Variants in FRMD4B observed in about 807,000 individuals in gnomAD.
FRMD4B encodes the protein FERM domain containing 4B.
In FRMD4B, 74 loss-of-function variants were observed where a neutral mutation model predicts 141.5. The observed-to-expected ratio is 0.52, with a 90% CI of 0.43 to 0.63. FRMD4B has a LOEUF of 0.63. FRMD4B is among the 30% of genes least tolerant of loss of function. The pLI is 0.00. For missense variants in FRMD4B, 1,366 were observed against 1,253.4 expected (o/e 1.09, Z -1.36); for synonymous variants, 506 against 467.9 (o/e 1.08, Z -1.05).
chr3:69,292,815 C>CTTTTTTT (rs35818040), intron 4 of FRMD4B, among the ~76,000 whole-genome samples: 2 of 120,934 alleles, frequency 1.7e-5, no homozygotes, highest in African/African-American at 3.1e-5. Flanking sequence ...TTTTTTCAGC[C>CTTTTTTT]TTTTTTTTTT....
At chr3:69,295,689 C>T (rs1701013418) in intron 4 of FRMD4B, among the ~76,000 whole-genome samples, 1 of 152,138 alleles carries the variant, frequency 6.6e-6, no homozygotes, top group South Asian at 2.1e-4. Context: ...CAGCTTAGCT[C>T]CCTACTACAA....
chr3:69,526,872 T>G (rs567801886), intron 1 of FRMD4B, among the ~76,000 whole-genome samples: 107 of 152,262 alleles, frequency 7.0e-4, no homozygotes, highest in African/African-American at 2.5e-3. Context: ...AACACAAATA[T>G]CTTCCTGGTT....
intron 16 of FRMD4B, among the ~76,000 whole-genome samples, chr3:69,194,229 T>C (rs1280950408): frequency 6.6e-6 from 1 of 152,250 alleles, no homozygotes; most frequent in East Asian, 1.9e-4. Flanking sequence ...TTGGGTTTGA[T>C]CTTCTTCCTG....
At chr3:69,258,704 ACTCT>A (rs2093507766) in intron 5 of FRMD4B, among the ~76,000 whole-genome samples, 1 of 152,022 alleles carries the variant, frequency 6.6e-6, no homozygotes, top group Admixed American at 6.6e-5. Context: ...AATATTATTA[ACTCT>A]CTGTCTTATC....
chr3:69,420,863 G>C (rs1704963353), intron 2 of FRMD4B, among the ~76,000 whole-genome samples: 2 of 152,234 alleles, frequency 1.3e-5, no homozygotes. Context: ...ATGAAGCAAA[G>C]ATGCCAGGGA....
intron 2 of FRMD4B, among the ~76,000 whole-genome samples, chr3:69,426,442 G>A (rs1009837575): frequency 6.6e-6 from 1 of 152,142 alleles, no homozygotes; most frequent in African/African-American, 2.4e-5. Context: ...CTTAGCCTTA[G>A]AGTTTTCTCA....
intron 1 of FRMD4B, among the ~76,000 whole-genome samples, chr3:69,338,928 G>A (rs1308336642): frequency 6.6e-6 from 1 of 152,132 alleles, no homozygotes; most frequent in African/African-American, 2.4e-5. Flanking sequence ...CACATAGTAA[G>A]CACCCAATAC....
At chr3:69,521,405 T>C (rs1182767953) in intron 1 of FRMD4B, among the ~76,000 whole-genome samples, 5 of 152,174 alleles carry the variant, frequency 3.3e-5, no homozygotes, top group Non-Finnish European at 7.4e-5. Context: ...CCCAAGCATG[T>C]TTTTCCTAGA....
chr3:69,427,643 G>GTTTTTTTGTTTT (rs1705106086), intron 2 of FRMD4B, among the ~76,000 whole-genome samples: 7 of 36,240 alleles, frequency 1.9e-4, no homozygotes, highest in African/African-American at 7.5e-4. Context: ...CTAGGTAAAT[G>GTTTTTTTGTTTT]TTTTTTTTTT....
At chr3:69,323,080 T>C in intron 1 of FRMD4B, 1 of 715,908 alleles carries the variant, frequency 1.4e-6, no homozygotes, top group South Asian at 6.3e-5. Context: ...AAGCAGGCAG[T>C]GTAAAAGAAG....
chr3:69,194,394 A>G (rs1240663391), intron 16 of FRMD4B, among the ~76,000 whole-genome samples: 1 of 152,232 alleles, frequency 6.6e-6, no homozygotes, highest in Non-Finnish European at 1.5e-5. Context: ...AGATGGGTAC[A>G]CAGTGAGCAC....
At chr3:69,419,412 G>A (rs1704930714) in intron 2 of FRMD4B, among the ~76,000 whole-genome samples, 1 of 152,130 alleles carries the variant, frequency 6.6e-6, no homozygotes, top group Non-Finnish European at 1.5e-5. Context: ...AGCCAGAGGT[G>A]GCCACTCATA....
At chr3:69,289,976 C>A (rs756949639) in intron 4 of FRMD4B, among the ~76,000 whole-genome samples, 6 of 152,152 alleles carry the variant, frequency 3.9e-5, no homozygotes, top group African/African-American at 9.7e-5. Context: ...TTCTCCAGAG[C>A]ACTTCCTAAG....
chr3:69,353,525 A>G, intron 1 of FRMD4B: 1 of 917,186 alleles, frequency 1.1e-6, no homozygotes, highest in Non-Finnish European at 1.3e-6. Flanking sequence ...GGAAGATCAT[A>G]AAAAAAAATC....
At chr3:69,234,145 C>G (rs946127361) in intron 7 of FRMD4B, among the ~76,000 whole-genome samples, 1 of 151,318 alleles carries the variant, frequency 6.6e-6, no homozygotes, top group African/African-American at 2.4e-5. Context: ...ACTCAGGAGG[C>G]TGAGGCAGGA....
chr3:69,513,836 T>G (rs1304348375), intron 1 of FRMD4B, among the ~76,000 whole-genome samples: 1 of 151,984 alleles, frequency 6.6e-6, no homozygotes, highest in African/African-American at 2.4e-5. Context: ...GCAGAAAAAG[T>G]ACATGAAAAG....
chr3:69,213,559 GGT>G (rs1041641065), intron 11 of FRMD4B, among the ~76,000 whole-genome samples: 22 of 151,712 alleles, frequency 1.5e-4, no homozygotes, highest in African/African-American at 5.1e-4. Context: ...AATTGATCTT[GGT>G]CACAGAGCTT....
At chr3:69,506,700 C>T (rs1262256535) in intron 1 of FRMD4B, among the ~76,000 whole-genome samples, 2 of 151,836 alleles carry the variant, frequency 1.3e-5, no homozygotes, top group African/African-American at 4.8e-5. Flanking sequence ...CACCCAGCTA[C>T]AGCTAATTTT....
chr3:69,213,012 C>T (rs1188775689), intron 11 of FRMD4B, among the ~76,000 whole-genome samples: 1 of 152,056 alleles, frequency 6.6e-6, no homozygotes, highest in Non-Finnish European at 1.5e-5. Flanking sequence ...CTCTCCACTC[C>T]TACAAATGGA....
Sources: gnomAD v4.1 joint callset for allele counts (sites outside exome capture counted in the v4.1 genomes callset) on GRCh38, gnomAD v4.1.1 for gene constraint, MANE v1.5 for transcripts, NCBI Gene and HGNC (gene_info 2026-07-23, HGNC 2026-07-21) for gene names.